KCNG4: variants seen among roughly 807,000 people sequenced by gnomAD.
The protein encoded by KCNG4 is potassium voltage-gated channel modifier subfamily G member 4, also known as voltage-gated potassium channel regulatory subunit KCNG4.
A neutral mutation model predicts 28.2 loss-of-function variants in KCNG4; 30 were observed. That is an observed-to-expected ratio of 1.06 (90% CI 0.80 to 1.44). KCNG4 has a LOEUF of 1.44. KCNG4 is among the 40% of genes most tolerant of loss of function. KCNG4 has a pLI of 0.00. For synonymous variants in KCNG4, 375 were observed against 315.5 expected (o/e 1.19, Z -2.00); for missense variants, 879 against 712.3 (o/e 1.23, Z -2.66).
chr16:84,229,350 G>C (rs1167723985), intron 2 of KCNG4, among the ~76,000 whole-genome samples: 1 of 152,058 alleles, frequency 6.6e-6, no homozygotes, highest in Non-Finnish European at 1.5e-5. Flanking sequence ...TAGCTTAGCT[G>C]CTGTCAGGCA....
intron 2 of KCNG4, 139 bp downstream of exon 2, chr16:84,236,591 G>C: frequency 1.1e-6 from 1 of 948,640 alleles, no homozygotes; most frequent in Admixed American, 3.0e-5. Context: ...GCCTAATAAT[G>C]AATATAACCC....
At chr16:84,231,277 G>T (rs1036535913) in intron 2 of KCNG4, among the ~76,000 whole-genome samples, 4 of 152,248 alleles carry the variant, frequency 2.6e-5, no homozygotes, top group Non-Finnish European at 4.4e-5. Flanking sequence ...CAGAGCCAGG[G>T]AGTGGGAGAG....
At chr16:84,234,368 G>A (rs1261366279) in intron 2 of KCNG4, among the ~76,000 whole-genome samples, 1 of 151,798 alleles carries the variant, frequency 6.6e-6, no homozygotes, top group Non-Finnish European at 1.5e-5. Context: ...TAGTAGAGAT[G>A]GAGTTTTACC....
At chr16:84,223,495 T>C (rs988180188) in intron 2 of KCNG4, among the ~76,000 whole-genome samples, 1 of 152,204 alleles carries the variant, frequency 6.6e-6, no homozygotes, top group Non-Finnish European at 1.5e-5. Context: ...AAAATTTGGC[T>C]TAAAACTATT....
At chr16:84,230,688 C>T (rs1904807818) in intron 2 of KCNG4, among the ~76,000 whole-genome samples, 1 of 152,242 alleles carries the variant, frequency 6.6e-6, no homozygotes, top group Non-Finnish European at 1.5e-5. Flanking sequence ...CCAAAGAGCC[C>T]GTGCAGTTCT....
chr16:84,235,300 T>C (rs1904920776), intron 2 of KCNG4: 1 of 152,242 alleles, frequency 6.6e-6, no homozygotes. Flanking sequence ...GGGGCCTTTC[T>C]TTATTAACTG....
chr16:84,222,701 G>A lies in KCNG4; in HGVS notation c.1076C>T (p.Thr359Met), dbSNP rs774007743. 3.0e-5 allele frequency: 49 copies of A among 1,613,348 alleles called. No homozygotes were observed. The highest frequency in any genetic ancestry group is 1.7e-4 in the African/African-American group (13 of 75,052). The change falls in exon 3 of 3, where the codon ACG (threonine) becomes ATG (methionine). Residue 359 changes from threonine to methionine, a missense_variant. By Grantham distance (81) the Thr-to-Met change is moderately conservative (BLOSUM62 -1). Coordinates refer to ENST00000308251, the MANE Select transcript of KCNG4 (RefSeq NM_172347.3). ...RLARHSLGLQ[T>M]LGLTVRRCTR... is the part of the protein sequence containing the mutation. ...GCAACGGCGCACGGTGAGCCCCAGC[G>A]TCTGCAGCCCCAGCGAGTGGCGAGC...
At position 84,222,356 on chromosome 16, in the gene KCNG4, C is replaced by T. The variant is rs761759691; in HGVS notation, c.1421G>A (p.Arg474His). Residue 474 changes from arginine (R) to histidine (H), a missense_variant, in exon 3 of 3, where the codon CGC becomes CAC. Physicochemically the swap from Arg to His is conservative, Grantham distance 29 (BLOSUM62 0). Coordinates refer to ENST00000308251, the MANE Select transcript of KCNG4 (RefSeq NM_172347.3). The stretch of plus-strand genomic sequence containing the variant: ...ACCGGTGTTTTGGAGGTGGCGGAGG[C>T]GGGCCTGAAGCTGCTCCTGCTCCTT... The part of the protein sequence containing the change: ...LKKEQEQLQA[R>H]LRHLQNTGPA... 4.8e-5 allele frequency: 78 copies of T among 1,614,026 alleles called. No homozygotes were observed. In the East Asian group the frequency reaches 6.5e-4, roughly 13 times the overall value.
chr16:84,229,870 G>A (rs1389456909), intron 2 of KCNG4, among the ~76,000 whole-genome samples: 1 of 152,216 alleles, frequency 6.6e-6, no homozygotes, highest in Non-Finnish European at 1.5e-5. Context: ...ACTAGGATAA[G>A]AAGCATTCGC....
At chr16:84,231,909 C>T (rs1597619575) in intron 2 of KCNG4, among the ~76,000 whole-genome samples, 1 of 150,094 alleles carries the variant, frequency 6.7e-6, no homozygotes, top group South Asian at 2.1e-4. Context: ...GAGGCTGAGG[C>T]AGGAGAATTG....
chr16:84,225,088 A>G (rs1030562038), intron 2 of KCNG4, among the ~76,000 whole-genome samples: 3 of 152,140 alleles, frequency 2.0e-5, no homozygotes, highest in Non-Finnish European at 4.4e-5. Context: ...GATGCGCTGT[A>G]GCCATTTTAA....
chr16:84,222,769 C>G lies in KCNG4; in HGVS notation c.1008G>C (p.Leu336=). The stretch of plus-strand genomic sequence containing the variant: ...GGATGCGCAGCGCTCGCAGCACACG[C>G]AGGACCAGCCCCACCTTCTCCAGGT... ...SSYLEKVGLV[L]RVLRALRILY... Residue 336 remains leucine, a synonymous_variant, in exon 3 of 3, where the codon CTG becomes CTC. Coordinates refer to ENST00000308251, the MANE Select transcript of KCNG4 (RefSeq NM_172347.3). 6.2e-7 allele frequency: 1 copy of G among 1,611,484 alleles called. No individual in the cohort carries two copies. Among genetic ancestry groups the G allele is most frequent in the Non-Finnish European group, 8.5e-7 (1 of 1,178,568 alleles).
chr16:84,231,856 G>T lies in KCNG4; in HGVS notation c.756+4874C>A, dbSNP rs114403235. Among the ~76,000 whole-genome samples the T allele has an allele frequency of 2.5e-3, 377 of 152,078 alleles. 3 individuals are homozygous for T. Among genetic ancestry groups the T allele is most frequent in the African/African-American group, 8.4e-3 (349 of 41,488 alleles). ...TCATCTCTACTAAAAATACAAAAATGTGCTGGGGATGGTGTTGGGTGCCTA... is the reference window on the plus strand; with the variant it reads ...TCATCTCTACTAAAAATACAAAAATTTGCTGGGGATGGTGTTGGGTGCCTA... On this transcript the variant is annotated intron_variant, in intron 2 of 2. Transcript: ENST00000308251.
intron 2 of KCNG4, among the ~76,000 whole-genome samples, chr16:84,231,009 C>A (rs143328452): frequency 1.3e-5 from 2 of 152,306 alleles, no homozygotes; most frequent in Non-Finnish European, 2.9e-5. Context: ...ATTTGAGCCA[C>A]CGGCCCCTGA....
rs1394237832 is a variant in KCNG4 at position 84,220,060 on chromosome 16, C to T, written c.*2157G>A. ...CCTGGCGGACAGAGAGAGACTCTGT[C>T]AATAAATAAATAAATAAATAAGTAA... On this transcript the variant is annotated 3_prime_UTR_variant, in exon 3 of 3. Coordinates refer to ENST00000308251, the MANE Select transcript of KCNG4 (RefSeq NM_172347.3). 1 of 151,860 alleles carries T rather than the reference C, an allele frequency of 6.6e-6. No individual in the cohort carries two copies. Among genetic ancestry groups the T allele is most frequent in the Non-Finnish European group, 1.5e-5 (1 of 67,988 alleles). The allele number at this position is 151,860 out of a possible 1,614,324, so 9.4% of individuals were successfully genotyped here.
At chr16:84,237,819 G>A (rs1182479293) in intron 1 of KCNG4, among the ~76,000 whole-genome samples, 3 of 152,188 alleles carry the variant, frequency 2.0e-5, no homozygotes, top group Admixed American at 6.5e-5. Flanking sequence ...TCCTGAGCTG[G>A]ACAAGTCGGA....
Position 84,237,403 on chromosome 16 carries a change from G to C in KCNG4, c.83C>G (p.Ser28Cys). 1.3e-6 allele frequency: 2 copies of C among 1,523,454 alleles called. No homozygotes were observed. Among genetic ancestry groups the C allele is most frequent in the African/African-American group, 2.8e-5 (2 of 71,970 alleles). 94.4% of individuals were successfully genotyped at this position (1,523,454 alleles called of 1,614,324 possible). Residue 28 changes from serine to cysteine, a missense_variant, in exon 2 of 3, where the codon TCC becomes TGC. Physicochemically the swap from Ser to Cys is moderately radical, Grantham distance 112 (BLOSUM62 -1). Transcript: ENST00000308251. Reference sequence around the variant, plus strand: ...GATGGACGGCGTCTCCATGGGGCTGGACAGGAGCTGACTCCAAGGGCTGTG... The same window carrying C: ...GATGGACGGCGTCTCCATGGGGCTGCACAGGAGCTGACTCCAAGGGCTGTG... ...GSHSPWSQLL[S>C]SPMETPSIKG...
chr16:84,238,770 A>T (rs569615248), intron 1 of KCNG4, among the ~76,000 whole-genome samples: 1 of 152,278 alleles, frequency 6.6e-6, no homozygotes, highest in Non-Finnish European at 1.5e-5. Flanking sequence ...CGGGAGGCTG[A>T]GGCAGGAGAA....
chr16:84,236,914 C>T lies in KCNG4; in HGVS notation c.572G>A (p.Arg191His), dbSNP rs879405372. The T allele has an allele frequency of 2.5e-6, 4 of 1,613,432 alleles. No homozygotes were observed. Among genetic ancestry groups the T allele is most frequent in the Non-Finnish European group, 2.5e-6 (3 of 1,179,998 alleles). ...GCGCGAGGAGTGCGAGGCGGGGCGG[C>T]GGGTCTCCCTCTGCTGCCTCAGTAC... is the stretch of plus-strand genomic sequence containing the variant. The part of the protein sequence containing the change: ...EDVLRQQRET[R>H]RPASHSSRWG... The change falls in exon 2 of 3, where the codon CGC becomes CAC. Residue 191 changes from arginine to histidine, a missense_variant. Transcript: ENST00000308251.
Sources: gnomAD v4.1 joint callset for allele counts (sites outside exome capture counted in the v4.1 genomes callset) on GRCh38, gnomAD v4.1.1 for gene constraint, MANE v1.5 for transcripts, NCBI Gene and HGNC (gene_info 2026-07-23, HGNC 2026-07-21) for gene names.